The following AGBL4 variants were observed in gnomAD, a reference collection of about 807,000 sequenced individuals.
The protein encoded by AGBL4 is AGBL carboxypeptidase 4, also known as cytosolic carboxypeptidase 6.
In AGBL4, 58 loss-of-function variants were observed where a neutral mutation model predicts 66.4. That is an observed-to-expected ratio of 0.87 (90% CI 0.71 to 1.09). The LOEUF is 1.09. AGBL4 is among the 50% of genes least tolerant of loss of function. The pLI is 0.00. For synonymous variants in AGBL4, 234 were observed against 222.9 expected (o/e 1.05, Z -0.44); for missense variants, 579 against 631.0 (o/e 0.92, Z 0.88).
At chr1:48,708,408 T>C (rs1646913099) in intron 6 of AGBL4, among the ~76,000 whole-genome samples, 1 of 152,014 alleles carries the variant, frequency 6.6e-6, no homozygotes, top group South Asian at 2.1e-4. Context: ...TGAACCACAA[T>C]GATTCTGAGA....
intron 2 of AGBL4, among the ~76,000 whole-genome samples, chr1:49,734,765 T>C (rs1649729534): frequency 6.6e-6 from 1 of 151,974 alleles, no homozygotes; most frequent in Admixed American, 6.6e-5. Flanking sequence ...GACAAGTTGA[T>C]ATTAAACTTT....
chr1:49,243,189 C>G (rs1217317106), intron 4 of AGBL4, among the ~76,000 whole-genome samples: 1 of 151,430 alleles, frequency 6.6e-6, no homozygotes, highest in East Asian at 1.9e-4. Flanking sequence ...AGGTAATACC[C>G]TAGACAAGTA....
At chr1:48,813,925 T>A (rs1395276738) in intron 6 of AGBL4, among the ~76,000 whole-genome samples, 1 of 151,928 alleles carries the variant, frequency 6.6e-6, no homozygotes, top group Non-Finnish European at 1.5e-5. Context: ...CTCAGTCATG[T>A]TATGCACTGG....
chr1:49,522,979 G>T (rs1048900687), intron 3 of AGBL4, among the ~76,000 whole-genome samples: 1 of 151,996 alleles, frequency 6.6e-6, no homozygotes, highest in African/African-American at 2.4e-5. Flanking sequence ...AGGTGGTAGG[G>T]TATATTTCAG....
At chr1:48,579,597 G>A (rs947323369) in intron 11 of AGBL4, among the ~76,000 whole-genome samples, 1 of 150,354 alleles carries the variant, frequency 6.7e-6, no homozygotes, top group Non-Finnish European at 1.5e-5. Flanking sequence ...CCTCTACCCC[G>A]TATCCAAATA....
chr1:49,858,442 C>A lies in AGBL4; in HGVS notation c.35-6924G>T, dbSNP rs116846844. 5.9e-4 allele frequency among the ~76,000 whole-genome samples: 89 copies of A among 151,958 alleles called. 1 individual carries two copies. In the East Asian group the frequency reaches 0.014, roughly 23 times the overall value. On this transcript the variant is annotated intron_variant, in intron 1 of 13. Coordinates refer to ENST00000371839, the MANE Select transcript of AGBL4 (RefSeq NM_032785.4). ...ATTTATATATCTAACAGACAGATTA[C>A]CATATTGGTTAAAATAGGAAAATCC...
At chr1:49,634,930 G>A (rs566086334) in intron 3 of AGBL4, among the ~76,000 whole-genome samples, 8 of 152,286 alleles carry the variant, frequency 5.3e-5, no homozygotes, top group South Asian at 4.1e-4. Flanking sequence ...AGATGCAAAC[G>A]TAGAGAGAAT....
chr1:49,381,648 A>G (rs978443003), intron 3 of AGBL4, among the ~76,000 whole-genome samples: 1 of 152,140 alleles, frequency 6.6e-6, no homozygotes, highest in Non-Finnish European at 1.5e-5. Context: ...CATATACACC[A>G]TGGAATACTA....
intron 6 of AGBL4, among the ~76,000 whole-genome samples, chr1:48,831,638 A>G (rs1197707718): frequency 6.6e-6 from 1 of 152,242 alleles, no homozygotes; most frequent in African/African-American, 2.4e-5. Context: ...AGTGCTTGGC[A>G]CATGGTAGTA....
intron 6 of AGBL4, among the ~76,000 whole-genome samples, chr1:48,665,604 C>G (rs1646173618): frequency 6.6e-6 from 1 of 152,180 alleles, no homozygotes; most frequent in Non-Finnish European, 1.5e-5. Context: ...AGTCCCAGCA[C>G]CCAGCCAGTG....
chr1:49,977,676 A>G (rs182534960), intron 1 of AGBL4, among the ~76,000 whole-genome samples: 2 of 152,190 alleles, frequency 1.3e-5, no homozygotes, highest in African/African-American at 4.8e-5. Flanking sequence ...TCATTTTAAA[A>G]TATTATTTGT....
intron 1 of AGBL4, among the ~76,000 whole-genome samples, chr1:50,000,971 G>T (rs910727268): frequency 6.6e-6 from 1 of 151,832 alleles, no homozygotes; most frequent in South Asian, 2.1e-4. Flanking sequence ...TGCTGCTTGG[G>T]TGATGGGTGC....
At chr1:48,951,576 G>A (rs2148928244) in intron 5 of AGBL4, among the ~76,000 whole-genome samples, 1 of 152,252 alleles carries the variant, frequency 6.6e-6, no homozygotes, top group South Asian at 2.1e-4. Flanking sequence ...TTATACAAGT[G>A]ACCATGGAGA....
chr1:48,719,281 T>C (rs1427407815), intron 6 of AGBL4, among the ~76,000 whole-genome samples: 1 of 152,156 alleles, frequency 6.6e-6, no homozygotes, highest in East Asian at 1.9e-4. Context: ...GAGGTGCTCC[T>C]CTGGACATAG....
intron 5 of AGBL4, among the ~76,000 whole-genome samples, chr1:49,003,922 T>C (rs1661583233): frequency 6.6e-6 from 1 of 152,196 alleles, no homozygotes; most frequent in Admixed American, 6.5e-5. Context: ...GAGCCAGACA[T>C]GGTCAGACAT....
intron 3 of AGBL4, among the ~76,000 whole-genome samples, chr1:49,463,855 A>G (rs1646567513): frequency 6.6e-6 from 1 of 151,786 alleles, no homozygotes; most frequent in Admixed American, 6.6e-5. Context: ...TTTACTAAGT[A>G]GTTTCATTTG....
At chr1:49,127,558 C>T (rs1645791715) in intron 4 of AGBL4, among the ~76,000 whole-genome samples, 1 of 152,010 alleles carries the variant, frequency 6.6e-6, no homozygotes, top group East Asian at 1.9e-4. Context: ...ATGGGGTGAA[C>T]TTGAAATTTT....
intron 9 of AGBL4, among the ~76,000 whole-genome samples, chr1:48,609,943 A>C (rs1645211339): frequency 6.6e-6 from 1 of 152,202 alleles, no homozygotes; most frequent in Non-Finnish European, 1.5e-5. Context: ...TAGGATGGGA[A>C]TAGGAAGAAC....
intron 3 of AGBL4, among the ~76,000 whole-genome samples, chr1:49,382,196 T>C (rs1192641438): frequency 6.6e-6 from 1 of 152,012 alleles, no homozygotes; most frequent in Non-Finnish European, 1.5e-5. Flanking sequence ...TGATGCAAAA[T>C]AGTAATAATA....
Sources: gnomAD v4.1 joint callset for allele counts (sites outside exome capture counted in the v4.1 genomes callset) on GRCh38, gnomAD v4.1.1 for gene constraint, MANE v1.5 for transcripts, NCBI Gene and HGNC (gene_info 2026-07-23, HGNC 2026-07-21) for gene names.